The following CPSF2 variants were observed in gnomAD, a reference collection of about 807,000 sequenced individuals.
CPSF2 encodes the protein cleavage and polyadenylation specificity factor subunit 2.
CPSF2 carries 51 observed loss-of-function variants against 84.2 expected under a neutral mutation model. The observed-to-expected ratio is 0.61, with a 90% CI of 0.48 to 0.77. CPSF2 has a LOEUF of 0.77. Among genes scored for constraint, CPSF2 ranks in the 30% least tolerant of loss-of-function variants. CPSF2 has a pLI of 0.00. For missense variants in CPSF2, 641 were observed against 929.4 expected (o/e 0.69, Z 4.03); for synonymous variants, 286 against 311.9 (o/e 0.92, Z 0.87).
At chr14:92,129,625 G>GCAAA (rs1330641218) in intron 2 of CPSF2, among the ~76,000 whole-genome samples, 2 of 152,178 alleles carry the variant, frequency 1.3e-5, no homozygotes, top group African/African-American at 4.8e-5. Flanking sequence ...TGTTGCTGTG[G>GCAAA]AGTTGAACTT....
In CPSF2 at chr14:92,156,112, A is replaced by G. The variant is rs538101576; in HGVS notation, c.1443-367A>G. 4.6e-5 allele frequency among the ~76,000 whole-genome samples: 7 copies of G among 152,296 alleles called. No homozygotes were observed. The East Asian group carries it at 1.4e-3, about 29-fold the overall frequency. ...GGACCAGCCTGGCCAAGATGGTGAA[A>G]CCACATCTCCACTAAAAATACAAAA... On this transcript the variant is annotated intron_variant, in intron 11 of 15. Transcript: ENST00000298875.
At chr14:92,161,062 T>C in intron 14 of CPSF2, 50 bp from the exon 15 acceptor site, 1 of 1,572,006 alleles carries the variant, frequency 6.4e-7, no homozygotes, top group Non-Finnish European at 8.7e-7. Context: ...TACAGTTGTA[T>C]GTCTGGTGTT....
chr14:92,135,656 TA>T (rs1352169622), intron 6 of CPSF2, among the ~76,000 whole-genome samples, 160 bp downstream of exon 6: 1 of 152,182 alleles, frequency 6.6e-6, no homozygotes, highest in African/African-American at 2.4e-5. Flanking sequence ...ATTTGCATAG[TA>T]AGGGGGAAAG....
intron 9 of CPSF2, among the ~76,000 whole-genome samples, chr14:92,146,796 A>G (rs952236924): frequency 5.9e-5 from 9 of 152,160 alleles, no homozygotes; most frequent in African/African-American, 2.2e-4. Flanking sequence ...TAGATCCCAT[A>G]TGATCTAATC....
At chr14:92,125,401 A>G (rs924947347) in intron 1 of CPSF2, among the ~76,000 whole-genome samples, 21 of 152,194 alleles carry the variant, frequency 1.4e-4, no homozygotes, top group African/African-American at 4.8e-4. Context: ...ATAAAATACA[A>G]TTTGAGACTG....
chr14:92,152,945 G>T (rs1277289766), intron 9 of CPSF2, among the ~76,000 whole-genome samples: 1 of 151,610 alleles, frequency 6.6e-6, no homozygotes, highest in Non-Finnish European at 1.5e-5. Context: ...TTAAAATTTT[G>T]TCCAGTTTTT....
intron 9 of CPSF2, among the ~76,000 whole-genome samples, chr14:92,151,436 TA>T (rs201881129): frequency 0.23 from 31,757 of 135,342 alleles, 3,690 homozygotes; most frequent in East Asian, 0.59. Flanking sequence ...GTAAGATACA[TA>T]AAAAAAAAAA....
intron 2 of CPSF2, among the ~76,000 whole-genome samples, chr14:92,130,055 G>T (rs2068896044): frequency 6.6e-6 from 1 of 152,138 alleles, no homozygotes; most frequent in Non-Finnish European, 1.5e-5. Context: ...GCCTGTAGAT[G>T]TGTTCATGTT....
intron 9 of CPSF2, among the ~76,000 whole-genome samples, chr14:92,152,216 G>A (rs1373911641): frequency 2.0e-5 from 3 of 151,828 alleles, no homozygotes; most frequent in African/African-American, 7.3e-5. Context: ...TGCAACCTCC[G>A]CCTCCCAGGT....
chr14:92,161,308 A>G, intron 15 of CPSF2, 62 bp downstream of exon 15: 1 of 1,512,432 alleles, frequency 6.6e-7, no homozygotes, highest in Non-Finnish European at 8.8e-7. Context: ...GTCATTTTGA[A>G]ATTCTGTAAT....
rs369230200 is a variant in CPSF2 at position 92,159,056 on chromosome 14, A to G, written c.1895A>G (p.Asp632Gly). Residue 632 changes from aspartate to glycine, a missense_variant, in exon 14 of 16, where the codon GAT becomes GGT. Around this residue, in one of 2 missense-constraint regions of CPSF2, gnomAD observed 430 missense variants for 553.6 expected, o/e 0.78. Coordinates refer to ENST00000298875, the MANE Select transcript of CPSF2 (RefSeq NM_017437.3). ...AAAGATGCTGAATTAGCTTGGATAG[A>G]TGGTGTCTTAGATATGAGAGTTTCC... Reference protein sequence around the residue: ...KAKDAELAWIDGVLDMRVSKV... With the variant: ...KAKDAELAWIGGVLDMRVSKV... 6.2e-7 allele frequency: 1 copy of G among 1,614,032 alleles called. No individual in the cohort carries two copies. The highest frequency in any genetic ancestry group is 8.5e-7 in the Non-Finnish European group (1 of 1,179,948).
rs571073659 is a variant in CPSF2 at position 92,168,997 on chromosome 14, G to C, written c.*7253G>C. On this transcript the variant is annotated 3_prime_UTR_variant, in exon 16 of 16. Coordinates refer to ENST00000298875, the MANE Select transcript of CPSF2 (RefSeq NM_017437.3). ...CAAGTGGAGAATATATAAAGGACTC[G>C]TGAGGCCTTCCTACCTCATTTTCTG... The C allele has an allele frequency of 3.3e-5, 5 of 152,096 alleles. No individual in the cohort carries two copies. The allele number at this position is 152,096 out of a possible 1,614,324, so 9.4% of individuals were successfully genotyped here. A position where few individuals can be genotyped will look rare whatever the true frequency, so the allele number is the denominator to read the frequency against.
chr14:92,160,683 T>C (rs1452674745), intron 14 of CPSF2, among the ~76,000 whole-genome samples: 1 of 152,212 alleles, frequency 6.6e-6, no homozygotes, highest in Non-Finnish European at 1.5e-5. Flanking sequence ...TTACATTTGC[T>C]CTGAGGAAGG....
intron 9 of CPSF2, among the ~76,000 whole-genome samples, chr14:92,144,742 G>C (rs543278248): frequency 6.6e-6 from 1 of 152,256 alleles, no homozygotes; most frequent in Admixed American, 6.5e-5. Flanking sequence ...CATCTCAAAA[G>C]GGGACCCCAT....
Position 92,161,998 on chromosome 14 carries a change from C to G in CPSF2, c.*254C>G, listed in dbSNP as rs2069380274. The G allele has an allele frequency of 3.6e-6, 1 of 280,024 alleles. No individual in the cohort carries two copies. Among genetic ancestry groups the G allele is most frequent in the Non-Finnish European group, 6.6e-6 (1 of 152,054 alleles). 17.3% of individuals were successfully genotyped at this position (280,024 alleles called of 1,614,324 possible). A position where few individuals can be genotyped will look rare whatever the true frequency, so the allele number is the denominator to read the frequency against. On this transcript the variant is annotated 3_prime_UTR_variant, in exon 16 of 16. Transcript: ENST00000298875. ...CCAAGAGTTGAAGGTGATTGGTTTT[C>G]TTTACAGACTCCTTGTTCTCTAGAA...
At chr14:92,135,828 CT>C (rs1451862825) in intron 6 of CPSF2, among the ~76,000 whole-genome samples, 2 of 152,104 alleles carry the variant, frequency 1.3e-5, no homozygotes, top group Non-Finnish European at 2.9e-5. Context: ...ATGGGTTGTT[CT>C]TTTGTTTTGT....
intron 9 of CPSF2, among the ~76,000 whole-genome samples, chr14:92,146,508 G>A (rs1399818924): frequency 2.6e-5 from 4 of 152,014 alleles, no homozygotes; most frequent in Admixed American, 2.6e-4. Context: ...GTGACAGAGC[G>A]AGACTCCATC....
Position 92,138,362 on chromosome 14 carries a change from A to G in CPSF2, c.661+15A>G. Reference sequence around the variant, plus strand: ...GCAGCTTCTGAGTACGTATTCTTTCACGTCCTTATTATTATTATTATTTTG... The same window carrying G: ...GCAGCTTCTGAGTACGTATTCTTTCGCGTCCTTATTATTATTATTATTTTG... On this transcript the variant is annotated intron_variant, in intron 7 of 15. Transcript: ENST00000298875. 8.0e-7 allele frequency: 1 copy of G among 1,251,062 alleles called. No individual in the cohort carries two copies. Among genetic ancestry groups the G allele is most frequent in the African/African-American group, 1.5e-5 (1 of 64,594 alleles). The allele number at this position is 1,251,062 out of a possible 1,614,324, so 77.5% of individuals were successfully genotyped here.
chr14:92,142,411 G>A, intron 8 of CPSF2, 60 bp downstream of exon 8: 1 of 1,311,718 alleles, frequency 7.6e-7, no homozygotes, highest in Non-Finnish European at 1.0e-6. Context: ...CTGTGGAAGT[G>A]GGCGTCTTAA....
Sources: gnomAD v4.1 joint callset for allele counts (sites outside exome capture counted in the v4.1 genomes callset) on GRCh38, gnomAD v4.1.1 for gene constraint, gnomAD v4.1.1 regional missense constraint, MANE v1.5 for transcripts, NCBI Gene and HGNC (gene_info 2026-07-23, HGNC 2026-07-21) for gene names.